ZDHHC20: variants seen among roughly 807,000 people sequenced by gnomAD.
ZDHHC20 encodes palmitoyltransferase ZDHHC20.
Under a neutral mutation model 57.8 loss-of-function variants are expected in ZDHHC20, and 43 were observed. The ratio of observed to expected loss-of-function variants is 0.74; its 90% CI spans 0.58 to 0.96. The LOEUF (loss-of-function observed/expected upper bound fraction) is 0.96. Ranked by LOEUF, ZDHHC20 falls within the 40% of genes least tolerant of loss-of-function variation. The pLI is 0.00. For synonymous variants in ZDHHC20, 157 were observed against 153.0 expected, an observed-to-expected ratio of 1.03 and a Z score of -0.19; for missense variants, 391 against 441.1, an observed-to-expected ratio of 0.89 and a Z score of 1.02.
At chr13:21,419,508 C>G (rs117999355) in intron 3 of ZDHHC20, among the ~76,000 whole-genome samples, 23 of 152,188 alleles carry the variant, frequency 1.5e-4, no homozygotes, top group African/African-American at 2.2e-4. Flanking sequence ...CATACTACAA[C>G]TGAATACTAA....
At chr13:21,418,599 A>G (rs9580111) in intron 3 of ZDHHC20, among the ~76,000 whole-genome samples, 71,338 of 151,932 alleles carry the variant, frequency 0.47, 17,903 homozygotes, top group Non-Finnish European at 0.58. Context: ...AAAGTCACAC[A>G]GCTAACATGG....
At position 21,374,684 on chromosome 13, in the gene ZDHHC20, C is replaced by T. The variant is rs1367214267; in HGVS notation, c.*2012G>A. 2.9e-5 allele frequency: 7 copies of T among 238,004 alleles called. No homozygotes were observed. In the South Asian group the frequency reaches 3.2e-4, roughly 11 times the overall value. 14.7% of individuals were successfully genotyped at this position (238,004 alleles called of 1,614,324 possible). ...TTTGGTTCAAAAAGAAAAAAAGTTG[C>T]CTCCTTTTAAAATCCAATATTAGTA... On this transcript the variant is annotated 3_prime_UTR_variant, in exon 13 of 13. Transcript: ENST00000400590.
At position 21,459,165 on chromosome 13, in the gene ZDHHC20, G is replaced by A. The variant is rs1300354049; in HGVS notation, c.7C>T (p.Pro3Ser). ...TGGCAGCAGCGCCACAGCGTCCAGG[G>A]CGCCATGTTCCGCTGGCGGCTGCCG... MA[P>S]WTLWRCCQRV... is the part of the protein sequence containing the mutation. The change falls in exon 1 of 13, where the codon CCC becomes TCC. Residue 3 changes from proline (P) to serine (S), a missense_variant. Around this residue, in one of 3 missense-constraint regions of ZDHHC20, gnomAD observed 185 missense variants for 188.0 expected, o/e 0.98. Coordinates refer to ENST00000400590, the MANE Select transcript of ZDHHC20 (RefSeq NM_001330059.2). The A allele has an allele frequency of 2.5e-6, 4 of 1,599,896 alleles. No individual in the cohort carries two copies. Among genetic ancestry groups the A allele is most frequent in the Non-Finnish European group, 1.7e-6 (2 of 1,174,664 alleles).
chr13:21,398,750 A>C (rs1366027548), intron 7 of ZDHHC20, among the ~76,000 whole-genome samples: 2 of 152,206 alleles, frequency 1.3e-5, no homozygotes, highest in Non-Finnish European at 2.9e-5. Flanking sequence ...AATGAAAATG[A>C]GGTTGGTTTG....
At chr13:21,457,895 T>G (rs554004095) in intron 1 of ZDHHC20, among the ~76,000 whole-genome samples, 1 of 152,334 alleles carries the variant, frequency 6.6e-6, no homozygotes, top group Admixed American at 6.5e-5. Context: ...CAGTCCTTCA[T>G]AAAATGGTAG....
intron 1 of ZDHHC20, among the ~76,000 whole-genome samples, chr13:21,435,967 C>CGGCAGGGAGCTCTGAAGTG (rs1447074400): frequency 5.9e-5 from 9 of 152,272 alleles, no homozygotes; most frequent in African/African-American, 2.2e-4. Flanking sequence ...CTTCAGCAAC[C>CGGCAGGGAGCTCTGAAGTG]GGCAGGGAGC....
At chr13:21,448,675 T>G in intron 1 of ZDHHC20, among the ~76,000 whole-genome samples, 1 of 96,222 alleles carries the variant, frequency 1.0e-5, no homozygotes, top group African/African-American at 3.2e-5. Context: ...TACTGGGAAG[T>G]GAGGAGCCCC....
At chr13:21,408,218 C>G (rs1030199859) in intron 4 of ZDHHC20, among the ~76,000 whole-genome samples, 22 of 152,148 alleles carry the variant, frequency 1.4e-4, no homozygotes, top group Non-Finnish European at 2.9e-4. Flanking sequence ...GGCAGCATGG[C>G]CATTTTCACG....
intron 1 of ZDHHC20, among the ~76,000 whole-genome samples, chr13:21,435,534 C>T (rs966316631): frequency 6.6e-6 from 1 of 152,098 alleles, no homozygotes; most frequent in Non-Finnish European, 1.5e-5. Flanking sequence ...CAATAAAATA[C>T]GTGTTAGATT....
intron 1 of ZDHHC20, among the ~76,000 whole-genome samples, chr13:21,431,138 T>C (rs981834384): frequency 6.6e-6 from 1 of 152,236 alleles, no homozygotes; most frequent in African/African-American, 2.4e-5. Flanking sequence ...ATTTTCACGC[T>C]GGTGATAAAG....
intron 8 of ZDHHC20, chr13:21,390,168 A>G (rs1875408708): frequency 6.6e-6 from 1 of 152,200 alleles, no homozygotes; most frequent in South Asian, 2.1e-4. Flanking sequence ...TTTTTCTGTA[A>G]TTAAAAACTG....
chr13:21,387,768 G>T, intron 8 of ZDHHC20, 134 bp from the exon 9 acceptor site: 1 of 447,912 alleles, frequency 2.2e-6, no homozygotes, highest in Non-Finnish European at 3.7e-6. Flanking sequence ...TAATACATTA[G>T]TAGCAATTAA....
intron 1 of ZDHHC20, among the ~76,000 whole-genome samples, chr13:21,436,303 T>C (rs1183925249): frequency 6.6e-6 from 1 of 152,202 alleles, no homozygotes; most frequent in Non-Finnish European, 1.5e-5. Context: ...TTGCTGAAAA[T>C]ACATATAGGC....
chr13:21,417,478 T>C (rs185811777), intron 3 of ZDHHC20, among the ~76,000 whole-genome samples: 26 of 152,302 alleles, frequency 1.7e-4, no homozygotes, highest in Non-Finnish European at 3.5e-4. Context: ...TCACTCTTGT[T>C]GCCCAGGCTG....
intron 11 of ZDHHC20, 94 bp downstream of exon 11, chr13:21,381,339 TA>T (rs1406615721): frequency 1.9e-6 from 2 of 1,050,892 alleles, no homozygotes; most frequent in Non-Finnish European, 2.8e-6. Context: ...TTAGTATTTT[TA>T]AAATGTTACA....
chr13:21,418,661 C>CT (rs1368580401), intron 3 of ZDHHC20, among the ~76,000 whole-genome samples: 2 of 152,060 alleles, frequency 1.3e-5, no homozygotes, highest in Non-Finnish European at 2.9e-5. Context: ...AGTCCAGAGT[C>CT]TGTGTGGTAC....
intron 4 of ZDHHC20, among the ~76,000 whole-genome samples, chr13:21,408,692 T>G (rs1356912191): frequency 6.6e-6 from 1 of 152,192 alleles, no homozygotes; most frequent in Non-Finnish European, 1.5e-5. Context: ...TTTGTGCCAG[T>G]TTTCAAAGGG....
chr13:21,436,866 A>C (rs1316389918), intron 1 of ZDHHC20, among the ~76,000 whole-genome samples: 1 of 152,250 alleles, frequency 6.6e-6, no homozygotes, highest in Non-Finnish European at 1.5e-5. Context: ...AAGTTAGCCA[A>C]GTTGTGAATG....
chr13:21,408,165 T>C (rs892855878), intron 4 of ZDHHC20, among the ~76,000 whole-genome samples: 2 of 152,306 alleles, frequency 1.3e-5, no homozygotes, highest in East Asian at 3.9e-4. Context: ...AGAAAGTCAA[T>C]GGTAGCTTGA....
Sources: allele counts gnomAD v4.1 joint callset (sites outside exome capture counted in the v4.1 genomes callset), GRCh38; gene constraint gnomAD v4.1.1; regional missense constraint gnomAD v4.1.1; transcripts MANE v1.5; gene names NCBI Gene and HGNC (gene_info 2026-07-23, HGNC 2026-07-21).